ANTXR1: variants seen among roughly 807,000 people sequenced by gnomAD.
The protein encoded by ANTXR1 is ANTXR cell adhesion molecule 1.
Under a neutral mutation model 78.1 loss-of-function variants are expected in ANTXR1, and 19 were observed. The observed-to-expected ratio is 0.24, with a 90% CI of 0.17 to 0.36. The LOEUF is 0.36. ANTXR1 is among the 10% of genes least tolerant of loss of function. The probability of loss-of-function intolerance (pLI) is 1.00; values close to 1 mark genes in which losing one functional copy is unlikely to be tolerated. For synonymous variants in ANTXR1, 273 were observed against 260.5 expected (o/e 1.05, Z -0.46); for missense variants, 518 against 718.6 (o/e 0.72, Z 3.19).
intron 17 of ANTXR1, among the ~76,000 whole-genome samples, chr2:69,213,139 A>G (rs965157319): frequency 1.3e-5 from 2 of 152,018 alleles, no homozygotes; most frequent in African/African-American, 4.8e-5. Flanking sequence ...AATAACATAC[A>G]AAGTGCAAAT....
chr2:69,124,728 T>C, intron 12 of ANTXR1, 85 bp downstream of exon 12: 1 of 1,496,896 alleles, frequency 6.7e-7, no homozygotes. Context: ...TCTCCAAAGG[T>C]ACCCTGGAAA....
intron 14 of ANTXR1, among the ~76,000 whole-genome samples, chr2:69,180,603 T>G (rs1186470632): frequency 2.0e-5 from 3 of 152,256 alleles, no homozygotes; most frequent in Non-Finnish European, 4.4e-5. Context: ...AACTGCTTTA[T>G]TTGAGTCATC....
intron 10 of ANTXR1, among the ~76,000 whole-genome samples, chr2:69,118,339 G>A (rs74521447): frequency 0.031 from 4,747 of 151,976 alleles, 91 homozygotes; most frequent in Non-Finnish European, 0.046. Context: ...ACAAGGTAGG[G>A]GGATCACTTA....
chr2:69,242,231 C>T lies in ANTXR1; in HGVS notation c.1435-2994C>T, dbSNP rs542974826. On this transcript the variant is annotated intron_variant, in intron 17 of 17. Coordinates refer to ENST00000303714, the MANE Select transcript of ANTXR1 (RefSeq NM_032208.3). ...TGCTGCTCTGGCCAAGACACCACGG[C>T]GGCAGCTGGAAGTGCTGACCTCAGG... Among the ~76,000 whole-genome samples the T allele has an allele frequency of 5.9e-5, 9 of 152,276 alleles. No individual in the cohort carries two copies. The South Asian group carries it at 6.2e-4, about 11-fold the overall frequency.
intron 12 of ANTXR1, chr2:69,145,505 G>C (rs1172843464): frequency 6.2e-6 from 9 of 1,461,380 alleles, no homozygotes; most frequent in Non-Finnish European, 6.3e-6. Flanking sequence ...CTGGAGTTAC[G>C]CACACTGAGT....
chr2:69,210,805 A>G (rs1328683272), intron 17 of ANTXR1, among the ~76,000 whole-genome samples: 1 of 152,126 alleles, frequency 6.6e-6, no homozygotes, highest in Non-Finnish European at 1.5e-5. Flanking sequence ...GTATGGTGGC[A>G]CAGGCCTATA....
At chr2:69,189,537 A>G (rs561526098) in intron 16 of ANTXR1, among the ~76,000 whole-genome samples, 1 of 152,324 alleles carries the variant, frequency 6.6e-6, no homozygotes, top group African/African-American at 2.4e-5. Flanking sequence ...TCAATAGGAG[A>G]GAGGACAGGA....
At chr2:69,185,290 C>A (rs1417554273) in intron 16 of ANTXR1, among the ~76,000 whole-genome samples, 1 of 152,156 alleles carries the variant, frequency 6.6e-6, no homozygotes. Context: ...CCTGTAATCC[C>A]AGCATTTTGG....
intron 1 of ANTXR1, among the ~76,000 whole-genome samples, chr2:69,023,099 C>A (rs1396948000): frequency 2.0e-5 from 3 of 152,220 alleles, no homozygotes; most frequent in Admixed American, 2.0e-4. Context: ...AATATCAGCT[C>A]AATGCTTCAG....
At chr2:69,193,256 C>T (rs755717933) in intron 16 of ANTXR1, 79 bp from the exon 17 acceptor site, 34 of 1,209,876 alleles carry the variant, frequency 2.8e-5, no homozygotes, top group Admixed American at 5.1e-5. Context: ...TGAAGAAGCA[C>T]GGAAAGTTCT....
chr2:69,129,392 G>A (rs1043245439), intron 12 of ANTXR1, among the ~76,000 whole-genome samples: 4 of 152,144 alleles, frequency 2.6e-5, no homozygotes, highest in African/African-American at 9.7e-5. Context: ...CTCCTACTGT[G>A]TCTCCTAGTC....
chr2:69,036,961 A>T lies in ANTXR1; in HGVS notation c.153-3083A>T, dbSNP rs1669452744. On this transcript the variant is annotated intron_variant, in intron 1 of 17. Coordinates refer to ENST00000303714, the MANE Select transcript of ANTXR1 (RefSeq NM_032208.3). ...CAGGAGGATGGCCAGGTCTTTATGA[A>T]AGAAGATTTCTAAAGCTTTAAGCCC... Among the ~76,000 whole-genome samples the T allele has an allele frequency of 2.0e-5, 3 of 152,172 alleles. No homozygotes were observed. In the South Asian group the frequency reaches 6.2e-4, roughly 32 times the overall value.
At chr2:69,220,204 TG>T (rs1458609616) in intron 17 of ANTXR1, among the ~76,000 whole-genome samples, 1 of 152,116 alleles carries the variant, frequency 6.6e-6, no homozygotes, top group East Asian at 1.9e-4. Context: ...ACATTGGTTC[TG>T]TGCCCTGACC....
intron 3 of ANTXR1, among the ~76,000 whole-genome samples, chr2:69,059,069 T>C (rs1436915420): frequency 2.0e-5 from 3 of 152,202 alleles, no homozygotes; most frequent in Non-Finnish European, 2.9e-5. Context: ...GCAAAGAAAG[T>C]GGTTTCTTGA....
At chr2:69,177,688 T>A (rs1057452025) in intron 14 of ANTXR1, among the ~76,000 whole-genome samples, 1 of 152,204 alleles carries the variant, frequency 6.6e-6, no homozygotes, top group African/African-American at 2.4e-5. Context: ...ATCTTCTCGG[T>A]TTGCTAGACA....
chr2:69,189,225 C>A (rs1333136999), intron 16 of ANTXR1, among the ~76,000 whole-genome samples: 1 of 152,190 alleles, frequency 6.6e-6, no homozygotes, highest in Non-Finnish European at 1.5e-5. Context: ...CTGGAACTAG[C>A]TAATCTCGCC....
At chr2:69,065,163 C>T (rs1160610089) in intron 3 of ANTXR1, among the ~76,000 whole-genome samples, 2 of 152,140 alleles carry the variant, frequency 1.3e-5, no homozygotes, top group African/African-American at 2.4e-5. Flanking sequence ...CAGTGGCTCA[C>T]GCCTGTAATC....
intron 17 of ANTXR1, among the ~76,000 whole-genome samples, chr2:69,234,248 A>G (rs1020215269): frequency 6.6e-6 from 1 of 152,272 alleles, no homozygotes; most frequent in African/African-American, 2.4e-5. Flanking sequence ...AGTGGAACAG[A>G]GATCTGAAAA....
chr2:69,182,753 C>G, intron 16 of ANTXR1, 93 bp downstream of exon 16: 2 of 1,530,590 alleles, frequency 1.3e-6, no homozygotes, highest in Admixed American at 3.4e-5. Flanking sequence ...AAAATCCCAA[C>G]CTAAAACCCA....
Sources: gnomAD v4.1 joint callset for allele counts (sites outside exome capture counted in the v4.1 genomes callset) on GRCh38, gnomAD v4.1.1 for gene constraint, MANE v1.5 for transcripts, NCBI Gene and HGNC (gene_info 2026-07-23, HGNC 2026-07-21) for gene names.